NBPF11: variants seen among roughly 807,000 people sequenced by gnomAD.
The protein encoded by NBPF11 is NBPF family member NBPF11.
In NBPF11, 72 loss-of-function variants were observed where a neutral mutation model predicts 93.9. The observed-to-expected ratio is 0.77, with a 90% confidence interval of 0.63 to 0.93. The LOEUF is 0.93. NBPF11 is among the 40% of genes least tolerant of loss of function. The pLI is 0.00. For missense variants in NBPF11, 705 were observed against 802.2 expected (o/e 0.88, Z 1.46); for synonymous variants, 224 against 304.9 (o/e 0.73, Z 2.76).
At chr1:148,119,974 C>T (rs1331490050) in intron 10 of NBPF11, among the ~76,000 whole-genome samples, 1 of 151,988 alleles carries the variant, frequency 6.6e-6, no homozygotes, top group Non-Finnish European at 1.5e-5. Context: ...GCTCTTGATG[C>T]TGTCACTTAT....
At position 148,139,253 on chromosome 1, in the gene NBPF11, A is replaced by T. The variant is rs1426416409; in HGVS notation, c.-276-1444T>A. Among the ~76,000 whole-genome samples, 496 of 149,704 alleles carry T rather than the reference A, an allele frequency of 3.3e-3. 9 individuals are homozygous for T. The highest frequency in any genetic ancestry group is 0.012 in the African/African-American group (464 of 39,666). On this transcript the variant is annotated intron_variant, in intron 2 of 23. Transcript: ENST00000682118. ...AACAAATACCAGTCACCAGCACAGA[A>T]GAACCAATTCAAGGAGAGCCATAAA...
At chr1:148,137,196 C>G (rs1183586298) in intron 3 of NBPF11, among the ~76,000 whole-genome samples, 4 of 151,858 alleles carry the variant, frequency 2.6e-5, no homozygotes, top group Admixed American at 2.6e-4. Flanking sequence ...CCATACATGA[C>G]AGAGCTTTGT....
At chr1:148,110,150 G>C (rs1476553869) in intron 16 of NBPF11, among the ~76,000 whole-genome samples, 2 of 151,948 alleles carry the variant, frequency 1.3e-5, no homozygotes, top group Non-Finnish European at 2.9e-5. Flanking sequence ...AGTCAGTCCA[G>C]GTTGGCATGG....
intron 2 of NBPF11, among the ~76,000 whole-genome samples, chr1:148,142,455 C>T (rs1270750275): frequency 1.9e-4 from 29 of 151,168 alleles, no homozygotes; most frequent in Admixed American, 1.2e-3. Flanking sequence ...AACACCAGGC[C>T]GCAACCTTCC....
Position 148,102,565 on chromosome 1 carries a change from C to G in NBPF11, c.*1331G>C, listed in dbSNP as rs1459972612. ...TGAGGTTGGAAACTCACAGCATTGTCTCTGCAGTGTTCCCGTCAAAAAGTT... is the reference window on the plus strand; with the variant it reads ...TGAGGTTGGAAACTCACAGCATTGTGTCTGCAGTGTTCCCGTCAAAAAGTT... On this transcript the variant is annotated 3_prime_UTR_variant, in exon 24 of 24. Coordinates refer to ENST00000682118, the MANE Select transcript of NBPF11 (RefSeq NM_001385469.3). The G allele has an allele frequency of 2.0e-5, 3 of 151,520 alleles. No individual in the cohort carries two copies. Among genetic ancestry groups the G allele is most frequent in the African/African-American group, 4.9e-5 (2 of 40,834 alleles). The allele number at this position is 151,520 out of a possible 1,614,324, so 9.4% of individuals were successfully genotyped here.
intron 3 of NBPF11, among the ~76,000 whole-genome samples, chr1:148,137,037 T>G (rs1671411761): frequency 1.3e-5 from 2 of 151,902 alleles, no homozygotes; most frequent in African/African-American, 4.9e-5. Context: ...AGATGGAATT[T>G]CTGAAATGGT....
In NBPF11 at chr1:148,121,518, CT is replaced by C. The variant is rs1290215827; in HGVS notation, c.778+536del. 1.1e-4 allele frequency among the ~76,000 whole-genome samples: 16 copies of C among 146,328 alleles called. No individual in the cohort carries two copies. In the South Asian group the frequency reaches 1.3e-3, roughly 12 times the overall value. On this transcript the variant is annotated intron_variant, in intron 9 of 23. Coordinates refer to ENST00000682118, the MANE Select transcript of NBPF11 (RefSeq NM_001385469.3). ...GCCCACCACCGCGCCCAGCTAATTT[CT>C]TTTTTTTTTGTATTTTTAGTAAAGA...
In NBPF11 at chr1:148,152,046, C is replaced by T. The variant is rs1648512328; in HGVS notation, c.-845G>A. Reference sequence around the variant, plus strand: ...GGCGCAGCTGGGCCTTAAAGGGACCCGGCTGCCTCTACCGCACAGCGGGTT... The same window carrying T: ...GGCGCAGCTGGGCCTTAAAGGGACCTGGCTGCCTCTACCGCACAGCGGGTT... On this transcript the variant is annotated 5_prime_UTR_variant, in exon 1 of 24. Coordinates refer to ENST00000682118, the MANE Select transcript of NBPF11 (RefSeq NM_001385469.3). 1.3e-5 allele frequency: 2 copies of T among 152,048 alleles called. No individual in the cohort carries two copies. Among genetic ancestry groups the T allele is most frequent in the African/African-American group, 2.4e-5 (1 of 41,290 alleles). The allele number at this position is 152,048 out of a possible 1,614,324, so 9.4% of individuals were successfully genotyped here.
intron 4 of NBPF11, among the ~76,000 whole-genome samples, chr1:148,133,286 T>C (rs1296697723): frequency 6.6e-6 from 1 of 151,932 alleles, no homozygotes; most frequent in African/African-American, 2.4e-5. Flanking sequence ...ACAGCTTCAA[T>C]TCTTTCTTTT....
chr1:148,127,738 G>T (rs1262246199), intron 4 of NBPF11, among the ~76,000 whole-genome samples: 2 of 143,352 alleles, frequency 1.4e-5, no homozygotes, highest in African/African-American at 5.2e-5. Context: ...TGCCTCCCAG[G>T]TTCACGCTAT....
At chr1:148,113,330 A>G (rs1311761164) in intron 15 of NBPF11, among the ~76,000 whole-genome samples, 14 of 151,924 alleles carry the variant, frequency 9.2e-5, no homozygotes, top group African/African-American at 2.9e-4. Context: ...CTAGTCTCTG[A>G]TAAAACAGAC....
intron 3 of NBPF11, among the ~76,000 whole-genome samples, chr1:148,136,582 A>C (rs1368032874): frequency 0.012 from 1,777 of 152,002 alleles, 57 homozygotes; most frequent in African/African-American, 0.041. Flanking sequence ...GCAAAGACCC[A>C]CAGGACAGAG....
At chr1:148,126,152 C>T (rs1669056456) in intron 5 of NBPF11, among the ~76,000 whole-genome samples, 3 of 151,952 alleles carry the variant, frequency 2.0e-5, no homozygotes, top group South Asian at 4.1e-4. Context: ...AGTTGCCCGC[C>T]ACGACGCCCA....
At chr1:148,105,314 T>G in intron 22 of NBPF11, 46 bp downstream of exon 22, 1 of 741,866 alleles carries the variant, frequency 1.3e-6, no homozygotes. Context: ...GATCTTTATA[T>G]GGAAGACTCA....
At chr1:148,110,217 T>C (rs1200242957) in intron 16 of NBPF11, among the ~76,000 whole-genome samples, 161 bp downstream of exon 16, 35 of 151,904 alleles carry the variant, frequency 2.3e-4, no homozygotes, top group Non-Finnish European at 3.7e-4. Context: ...ATGCCTGTGC[T>C]TCAGACTCGA....
chr1:148,132,723 C>CTTTTTTTTTTTT lies in NBPF11; in HGVS notation c.-36+2937_-36+2948dup. Among the ~76,000 whole-genome samples the CTTTTTTTTTTTT allele has an allele frequency of 1.2e-4, 4 of 33,224 alleles. 2 individuals carry two copies. The highest frequency in any genetic ancestry group is 2.6e-4 in the Non-Finnish European group (4 of 15,660). The allele number at this position is 33,224 out of a possible 152,430, so 21.8% of individuals were successfully genotyped here. On this transcript the variant is annotated intron_variant, in intron 4 of 23. Coordinates refer to ENST00000682118, the MANE Select transcript of NBPF11 (RefSeq NM_001385469.3). ...CCTTACATAAATTTTGTTGACTTTC[C>CTTTTTTTTTTTT]TTTTTTTTTTTTTTTTTTTTTTTTT...
chr1:148,149,212 G>A (rs1418517976), intron 1 of NBPF11: 3 of 1,548,096 alleles, frequency 1.9e-6, no homozygotes, highest in Middle Eastern at 2.3e-4. Flanking sequence ...GCATCGGCAC[G>A]GTGCCCACCA....
At chr1:148,119,332 C>A (rs1421624740) in intron 10 of NBPF11, among the ~76,000 whole-genome samples, 6 of 151,792 alleles carry the variant, frequency 4.0e-5, no homozygotes, top group African/African-American at 1.2e-4. Context: ...GAATGAAGAA[C>A]TAATAGATAG....
intron 14 of NBPF11, among the ~76,000 whole-genome samples, chr1:148,115,164 C>CA (rs57869119): frequency 0.01 from 122 of 12,160 alleles, 38 homozygotes; most frequent in Non-Finnish European, 0.012. Flanking sequence ...GACTCCATCA[C>CA]AAAAAAAAAA....
Sources: allele counts gnomAD v4.1 joint callset (sites outside exome capture counted in the v4.1 genomes callset), GRCh38; gene constraint gnomAD v4.1.1; transcripts MANE v1.5; gene names NCBI Gene and HGNC (gene_info 2026-07-23, HGNC 2026-07-21).